Variants in ZKSCAN2 observed in about 807,000 individuals in gnomAD.
ZKSCAN2 encodes zinc finger protein with KRAB and SCAN domains 2.
Under a neutral mutation model 90.5 loss-of-function variants are expected in ZKSCAN2, and 38 were observed. That is an observed-to-expected ratio of 0.42 (90% CI 0.32 to 0.55). ZKSCAN2 has a LOEUF of 0.55. Among genes scored for constraint, ZKSCAN2 ranks in the 20% least tolerant of loss-of-function variants. The pLI is 0.11. For synonymous variants in ZKSCAN2, 429 were observed against 421.6 expected (o/e 1.02, Z -0.22); for missense variants, 1,167 against 1,202.6 (o/e 0.97, Z 0.44).
At chr16:25,254,688 C>G (rs566213854) in intron 2 of ZKSCAN2, among the ~76,000 whole-genome samples, 1 of 152,260 alleles carries the variant, frequency 6.6e-6, no homozygotes, top group Non-Finnish European at 1.5e-5. Context: ...CTCGGCCTCC[C>G]AAAGTGTTGG....
chr16:25,240,522 C>G lies in ZKSCAN2; in HGVS notation c.2198G>C (p.Gly733Ala). 6.2e-7 allele frequency: 1 copy of G among 1,614,174 alleles called. No homozygotes were observed. The highest frequency in any genetic ancestry group is 8.5e-7 in the Non-Finnish European group (1 of 1,180,036). ...AGGCCTCTGATGCACAACGGCTTTC[C>G]CTAAATCTCTAGGCTGAGACATCGG... ...GKPMSQPRDL[G>A]KAVVHQRPFV... The change falls in exon 7 of 7, where the codon GGG becomes GCG. Residue 733 changes from glycine to alanine, a missense_variant. Coordinates refer to ENST00000328086, the MANE Select transcript of ZKSCAN2 (RefSeq NM_001012981.5).
rs539336067 is a variant in ZKSCAN2 at position 25,238,103 on chromosome 16, T to C, written c.*1713A>G. 1 of 152,358 alleles carries C rather than the reference T, an allele frequency of 6.6e-6. No homozygotes were observed. Among genetic ancestry groups the C allele is most frequent in the Admixed American group, 6.5e-5 (1 of 15,300 alleles). The allele number at this position is 152,358 out of a possible 1,614,324, so 9.4% of individuals were successfully genotyped here. ...CCACACCCTATTCTGGCACCATAAA[T>C]TAGATTTCTTTCTACAGTGCCTACC... On this transcript the variant is annotated 3_prime_UTR_variant, in exon 7 of 7. Transcript: ENST00000328086.
At chr16:25,251,703 A>G (rs1205923021) in intron 4 of ZKSCAN2, among the ~76,000 whole-genome samples, 2 of 152,166 alleles carry the variant, frequency 1.3e-5, no homozygotes, top group African/African-American at 2.4e-5. Context: ...CTCCTCTCCA[A>G]TGTTTTAATC....
At chr16:25,246,045 C>T (rs529054048) in intron 5 of ZKSCAN2, among the ~76,000 whole-genome samples, 1 of 152,306 alleles carries the variant, frequency 6.6e-6, no homozygotes, top group East Asian at 1.9e-4. Flanking sequence ...AAATATTTAA[C>T]ACCAGCTCTC....
intron 4 of ZKSCAN2, among the ~76,000 whole-genome samples, chr16:25,248,223 G>A (rs1052453219): frequency 7.1e-6 from 1 of 141,072 alleles, no homozygotes; most frequent in African/African-American, 2.7e-5. Flanking sequence ...TCAAAGCACA[G>A]GCAATGAAAG....
At chr16:25,241,494 G>C (rs992270539) in intron 6 of ZKSCAN2, among the ~76,000 whole-genome samples, 1 of 152,186 alleles carries the variant, frequency 6.6e-6, no homozygotes, top group African/African-American at 2.4e-5. Context: ...CTGGAGAACA[G>C]TATGTATAAT....
chr16:25,253,145 T>C (rs1015738327), intron 2 of ZKSCAN2, 108 bp from the exon 3 acceptor site: 13 of 863,320 alleles, frequency 1.5e-5, no homozygotes, highest in African/African-American at 1.7e-5. Flanking sequence ...CAAATATAAA[T>C]TCACCATTTT....
At chr16:25,253,439 C>CCTCTCTCTCTCTCT (rs151086073) in intron 2 of ZKSCAN2, among the ~76,000 whole-genome samples, 19 of 144,640 alleles carry the variant, frequency 1.3e-4, no homozygotes, top group African/African-American at 4.6e-4. Flanking sequence ...TTTCTCCCTT[C>CCTCTCTCTCTCTCT]CTCTCTCTCT....
Position 25,257,530 on chromosome 16 carries a change from G to C in ZKSCAN2, c.-403C>G, listed in dbSNP as rs1963128836. On this transcript the variant is annotated 5_prime_UTR_variant, in exon 1 of 7. Coordinates refer to ENST00000328086, the MANE Select transcript of ZKSCAN2 (RefSeq NM_001012981.5). Reference sequence around the variant, plus strand: ...ACTCCCGGGTCGGGCGCGGAGAGGCGAGTCCCCGAGTGGGTGGGGCCGGAT... The same window carrying C: ...ACTCCCGGGTCGGGCGCGGAGAGGCCAGTCCCCGAGTGGGTGGGGCCGGAT... The C allele has an allele frequency of 4.0e-6, 4 of 989,608 alleles. No individual in the cohort carries two copies. The highest frequency in any genetic ancestry group is 1.7e-5 in the African/African-American group (1 of 57,512). 61.3% of individuals were successfully genotyped at this position (989,608 alleles called of 1,614,324 possible).
At chr16:25,253,297 G>A (rs547635136) in intron 2 of ZKSCAN2, among the ~76,000 whole-genome samples, 1 of 152,220 alleles carries the variant, frequency 6.6e-6, no homozygotes, top group South Asian at 2.1e-4. Flanking sequence ...GCACACATCT[G>A]ATTGAAAGGG....
intron 2 of ZKSCAN2, 127 bp from the exon 3 acceptor site, chr16:25,253,164 G>T: frequency 1.3e-6 from 1 of 766,404 alleles, no homozygotes; most frequent in Non-Finnish European, 2.2e-6. Flanking sequence ...TTATCTGTGA[G>T]TTCAGAACAA....
chr16:25,249,318 A>T (rs191439354), intron 4 of ZKSCAN2, among the ~76,000 whole-genome samples: 7 of 152,228 alleles, frequency 4.6e-5, no homozygotes, highest in African/African-American at 1.7e-4. Context: ...TTTATTTTTG[A>T]GACAGAGTGA....
rs17717344 is a variant in ZKSCAN2, at chr16:25,237,096, C to T, written c.*2720G>A. 44,584 of 152,280 alleles carry T rather than the reference C, an allele frequency of 0.29. 7,435 individuals carry two copies. Among genetic ancestry groups the T allele is most frequent in the African/African-American group, 0.45 (18,546 of 41,418 alleles). The allele number at this position is 152,280 out of a possible 1,614,324, so 9.4% of individuals were successfully genotyped here. A position where few individuals can be genotyped will look rare whatever the true frequency, so the allele number is the denominator to read the frequency against. ...TAGACGTGTGTGTGTACACATACTG[C>T]GCTTAGGATCAGAGCTTTCCTTGGC... On this transcript the variant is annotated 3_prime_UTR_variant, in exon 7 of 7. Coordinates refer to ENST00000328086, the MANE Select transcript of ZKSCAN2 (RefSeq NM_001012981.5).
rs540999793 is a variant in ZKSCAN2, at chr16:25,239,471, A to AT, written c.*344dup. 23 of 182,946 alleles carry AT rather than the reference A, an allele frequency of 1.3e-4. 2 individuals carry two copies. In the South Asian group the frequency reaches 3.2e-3, roughly 25 times the overall value. The allele number at this position is 182,946 out of a possible 1,614,324, so 11.3% of individuals were successfully genotyped here. A position where few individuals can be genotyped will look rare whatever the true frequency, so the allele number is the denominator to read the frequency against. Reference sequence around the variant, plus strand: ...TAATAACAACAAAAAAACTTTTGGCATTTTTTATATCCTTGAAGACAACTC... The same window carrying AT: ...TAATAACAACAAAAAAACTTTTGGCATTTTTTTATATCCTTGAAGACAACTC... On this transcript the variant is annotated 3_prime_UTR_variant, in exon 7 of 7. Coordinates refer to ENST00000328086, the MANE Select transcript of ZKSCAN2 (RefSeq NM_001012981.5).
chr16:25,239,888 T>C lies in ZKSCAN2; in HGVS notation c.2832A>G (p.Pro944=), dbSNP rs779554124. 1 of 1,614,078 alleles carries C rather than the reference T, an allele frequency of 6.2e-7. No homozygotes were observed. The highest frequency in any genetic ancestry group is 8.5e-7 in the Non-Finnish European group (1 of 1,180,002). The part of the protein sequence containing the change: ...REVHVREKPL[P]HPPSLYCPEN... ...CAGGGCAATACAGAGATGGAGGGTG[T>C]GGCAGAGGCTTTTCTCTCACATGAA... Residue 944 remains proline, a synonymous_variant, in exon 7 of 7, where the codon CCA becomes CCG. Transcript: ENST00000328086.
In ZKSCAN2 at chr16:25,253,439, CCT is replaced by C. The variant is rs151086073; in HGVS notation, c.587-404_587-403del. On this transcript the variant is annotated intron_variant, in intron 2 of 6. Transcript: ENST00000328086. The stretch of plus-strand genomic sequence containing the variant: ...CCCCCTCCCTTCCCTTTTCTCCCTT[CCT>C]CTCTCTCTCTCTCTCTCTCTCTCTG... 8.5e-3 allele frequency among the ~76,000 whole-genome samples: 1,209 copies of C among 142,934 alleles called. 3 individuals carry two copies. The highest frequency in any genetic ancestry group is 0.013 in the African/African-American group (498 of 38,926). 93.8% of individuals were successfully genotyped at this position (142,934 alleles called of 152,430 possible).
rs746072379 is a variant in ZKSCAN2 at position 25,237,033 on chromosome 16, GTGTT to G, written c.*2779_*2782del. 3.2e-5 allele frequency: 4 copies of G among 124,548 alleles called. No individual in the cohort carries two copies. Among genetic ancestry groups the G allele is most frequent in the Non-Finnish European group, 5.3e-5 (3 of 56,126 alleles). 7.7% of individuals were successfully genotyped at this position (124,548 alleles called of 1,614,324 possible). ...AGCAGCTTAAGTTACAAAAATCACA[GTGTT>G]TGTAATACATACATACAGATCTACA... On this transcript the variant is annotated 3_prime_UTR_variant, in exon 7 of 7. Coordinates refer to ENST00000328086, the MANE Select transcript of ZKSCAN2 (RefSeq NM_001012981.5).
At chr16:25,243,391 G>A (rs183227657) in intron 6 of ZKSCAN2, among the ~76,000 whole-genome samples, 1 of 152,266 alleles carries the variant, frequency 6.6e-6, no homozygotes, top group African/African-American at 2.4e-5. Flanking sequence ...GCAATGGCAC[G>A]ATCTCGGCTC....
rs1963125839 is a variant in ZKSCAN2 at position 25,257,461 on chromosome 16, C to T, written c.-334G>A. On this transcript the variant is annotated 5_prime_UTR_variant, in exon 1 of 7. Transcript: ENST00000328086. The stretch of plus-strand genomic sequence containing the variant: ...AAAAATGAAGCAGGCTGAGGAAAGG[C>T]TGGGCGGAGGCGGACAGCCGGGCCG... 6 of 1,036,054 alleles carry T rather than the reference C, an allele frequency of 5.8e-6. No homozygotes were observed. In the South Asian group the frequency reaches 2.7e-4, roughly 46 times the overall value. The allele number at this position is 1,036,054 out of a possible 1,614,324, so 64.2% of individuals were successfully genotyped here.
Sources: gnomAD v4.1 joint callset for allele counts (sites outside exome capture counted in the v4.1 genomes callset) on GRCh38, gnomAD v4.1.1 for gene constraint, MANE v1.5 for transcripts, NCBI Gene and HGNC (gene_info 2026-07-23, HGNC 2026-07-21) for gene names.